The following PRPH2 variants were observed in gnomAD, a reference collection of about 807,000 sequenced individuals.
PRPH2 encodes the protein peripherin-2.
Under a neutral mutation model 31.3 loss-of-function variants are expected in PRPH2, and 17 were observed. The ratio of observed to expected loss-of-function variants is 0.54; its 90% CI spans 0.37 to 0.81. PRPH2 has a LOEUF of 0.81. PRPH2 is among the 40% of genes least tolerant of loss of function. The pLI, the probability that PRPH2 is intolerant of heterozygous loss-of-function variation, is 0.00. For synonymous variants in PRPH2, 165 were observed against 184.4 expected (o/e 0.89, Z 0.85); for missense variants, 430 against 439.7 (o/e 0.98, Z 0.20).
In PRPH2 at chr6:42,701,220, GT is replaced by G. The variant is rs1299053472; in HGVS notation, c.829-2714del. Among the ~76,000 whole-genome samples the G allele has an allele frequency of 2.0e-5, 3 of 152,080 alleles. No individual in the cohort carries two copies. In the East Asian group the frequency reaches 5.8e-4, roughly 29 times the overall value. ...GCTCACCACAACCTCCACCTCCCAG[GT>G]TCAAGCAATTCTCCTGCCTCAGCCC... On this transcript the variant is annotated intron_variant, in intron 2 of 2. Transcript: ENST00000230381.
chr6:42,703,113 G>T (rs1800077122), intron 2 of PRPH2, among the ~76,000 whole-genome samples: 1 of 151,880 alleles, frequency 6.6e-6, no homozygotes, highest in African/African-American at 2.4e-5. Flanking sequence ...GAAGAGCCCT[G>T]AGCCCAGGAG....
chr6:42,722,394 G>A lies in PRPH2; in HGVS notation c.-60C>T, dbSNP rs144011444. 3,884 of 1,603,896 alleles carry A rather than the reference G, an allele frequency of 2.4e-3. 15 individuals carry two copies. The highest frequency in any genetic ancestry group is 4.5e-3 in the Middle Eastern group (27 of 5,938). On this transcript the variant is annotated 5_prime_UTR_variant, in exon 1 of 3. Transcript: ENST00000230381. This position sits in a 1 kb window ranked among gnomAD's most constrained non-coding sequence, Gnocchi z 4.4. ...CACAGCTCCCACCCCAAACCTTAAC[G>A]AGCCCAGAGGCGGAGACTTAGGGCC...
Position 42,722,392 on chromosome 6 carries a change from A to G in PRPH2, c.-58T>C. 8.1e-6 allele frequency: 13 copies of G among 1,605,162 alleles called. No homozygotes were observed. In the South Asian group the frequency reaches 1.4e-4, roughly 18 times the overall value. ...AGCACAGCTCCCACCCCAAACCTTA[A>G]CGAGCCCAGAGGCGGAGACTTAGGG... On this transcript the variant is annotated 5_prime_UTR_variant, in exon 1 of 3. Transcript: ENST00000230381. This position sits in a 1 kb window ranked among gnomAD's most constrained non-coding sequence, Gnocchi z 4.4.
At chr6:42,707,134 G>A (rs1024523546) in intron 1 of PRPH2, among the ~76,000 whole-genome samples, 2 of 151,944 alleles carry the variant, frequency 1.3e-5, no homozygotes, top group Non-Finnish European at 1.5e-5. Context: ...TCCTGATCTC[G>A]AGTGATCCAC....
At chr6:42,718,002 C>A (rs1217798376) in intron 1 of PRPH2, among the ~76,000 whole-genome samples, 1 of 151,970 alleles carries the variant, frequency 6.6e-6, no homozygotes, top group Non-Finnish European at 1.5e-5. Context: ...CCCGTCTCTA[C>A]TAAAAATAGA....
intron 1 of PRPH2, among the ~76,000 whole-genome samples, chr6:42,716,119 T>C (rs1441825316): frequency 6.6e-6 from 1 of 152,204 alleles, no homozygotes; most frequent in African/African-American, 2.4e-5. Context: ...AGGATCCCTG[T>C]GGATTTTCTC....
intron 1 of PRPH2, among the ~76,000 whole-genome samples, chr6:42,716,410 G>A (rs1029728673): frequency 2.7e-5 from 4 of 146,370 alleles, no homozygotes; most frequent in African/African-American, 5.1e-5. Context: ...TTTTTTTTAA[G>A]AAAAGAATTT....
rs746940785 is a variant in PRPH2, at chr6:42,722,198, C to T, written c.137G>A (p.Arg46Gln). ...SLGLFLKIEL[R>Q]KRSDVMNNSE... ...ATTATTCATCACATCGCTCCTCTTT[C>T]GGAGTTCAATCTTCAGGAACAGTCC... is the stretch of plus-strand genomic sequence containing the variant. The change falls in exon 1 of 3, where the codon CGA becomes CAA. Residue 46 changes from arginine (R) to glutamine (Q), a missense_variant. Transcript: ENST00000230381. The surrounding 1 kb of genome is among the most constrained non-coding windows in gnomAD (Gnocchi z 4.4). 7.4e-6 allele frequency: 12 copies of T among 1,614,046 alleles called. No homozygotes were observed. The African/African-American group carries it at 9.3e-5, about 13-fold the overall frequency.
At position 42,722,480 on chromosome 6, in the gene PRPH2, G is replaced by A. The variant is rs1185710803; in HGVS notation, c.-146C>T. On this transcript the variant is annotated 5_prime_UTR_variant, in exon 1 of 3. Coordinates refer to ENST00000230381, the MANE Select transcript of PRPH2 (RefSeq NM_000322.5). The surrounding 1 kb of genome is among the most constrained non-coding windows in gnomAD (Gnocchi z 4.4). The stretch of plus-strand genomic sequence containing the variant: ...CTGCCCTGGGGGCTACCCATGTCGA[G>A]TCCCACTAGCCTGGGATCCCCGTGA... 1.3e-6 allele frequency: 2 copies of A among 1,516,908 alleles called. No individual in the cohort carries two copies. The highest frequency in any genetic ancestry group is 4.1e-5 in the Admixed American group (2 of 48,872). The allele number at this position is 1,516,908 out of a possible 1,614,324, so 94.0% of individuals were successfully genotyped here.
intron 1 of PRPH2, among the ~76,000 whole-genome samples, chr6:42,713,062 T>G (rs1203551324): frequency 2.0e-5 from 3 of 151,218 alleles, no homozygotes. Flanking sequence ...CTGTCTCTAC[T>G]AAAAATATAA....
chr6:42,700,407 C>T (rs1490705528), intron 2 of PRPH2, among the ~76,000 whole-genome samples: 1 of 152,188 alleles, frequency 6.6e-6, no homozygotes, highest in Non-Finnish European at 1.5e-5. Context: ...CAGGGATGGC[C>T]CTGACTCATC....
chr6:42,708,062 C>T (rs1042081857), intron 1 of PRPH2, among the ~76,000 whole-genome samples: 6 of 152,198 alleles, frequency 3.9e-5, no homozygotes, highest in Non-Finnish European at 4.4e-5. Flanking sequence ...GCGCTGTGAG[C>T]AAAAGCCACC....
chr6:42,716,624 T>G (rs1456297738), intron 1 of PRPH2, among the ~76,000 whole-genome samples: 17 of 146,238 alleles, frequency 1.2e-4, no homozygotes, highest in African/African-American at 3.3e-4. Flanking sequence ...TTTTTTTTTT[T>G]TTTTTTTTTT....
At chr6:42,709,821 A>C (rs1472378826) in intron 1 of PRPH2, among the ~76,000 whole-genome samples, 1 of 152,114 alleles carries the variant, frequency 6.6e-6, no homozygotes, top group Non-Finnish European at 1.5e-5. Flanking sequence ...ATTTCCTGGA[A>C]AACTGTGTGT....
intron 1 of PRPH2, among the ~76,000 whole-genome samples, chr6:42,711,521 T>G (rs1390741574): frequency 6.7e-6 from 1 of 149,812 alleles, no homozygotes; most frequent in East Asian, 2.0e-4. Context: ...GACCCTAGTT[T>G]GAGGGAAACA....
At chr6:42,720,218 G>A (rs893284440) in intron 1 of PRPH2, among the ~76,000 whole-genome samples, 1 of 152,184 alleles carries the variant, frequency 6.6e-6, no homozygotes, top group Non-Finnish European at 1.5e-5. Flanking sequence ...TACAAAAGGG[G>A]ATTTGGAGTT....
chr6:42,709,331 A>T (rs1800231078), intron 1 of PRPH2, among the ~76,000 whole-genome samples: 1 of 138,878 alleles, frequency 7.2e-6, no homozygotes, highest in South Asian at 2.3e-4. Flanking sequence ...CTCTGTCTCA[A>T]ATTAAAAAAA....
At chr6:42,716,439 C>T (rs1368106635) in intron 1 of PRPH2, among the ~76,000 whole-genome samples, 5 of 150,226 alleles carry the variant, frequency 3.3e-5, no homozygotes, top group African/African-American at 1.2e-4. Flanking sequence ...TTTTTTAAGG[C>T]AGGGTCTCAC....
chr6:42,703,716 T>G (rs985853237), intron 2 of PRPH2, among the ~76,000 whole-genome samples: 7 of 152,056 alleles, frequency 4.6e-5, no homozygotes, highest in African/African-American at 1.7e-4. Flanking sequence ...CTGATGGAAG[T>G]CTTTTGGAAC....
Sources: allele counts gnomAD v4.1 joint callset (sites outside exome capture counted in the v4.1 genomes callset), GRCh38; gene constraint gnomAD v4.1.1; non-coding constraint Gnocchi (gnomAD v3.1); transcripts MANE v1.5; gene names NCBI Gene and HGNC (gene_info 2026-07-23, HGNC 2026-07-21).